The following PDE1C variants were observed in gnomAD, a reference collection of about 807,000 sequenced individuals.
The protein encoded by PDE1C is phosphodiesterase 1C, also known as dual specificity calcium/calmodulin-dependent 3',5'-cyclic nucleotide phosphodiesterase 1C.
PDE1C carries 62 observed loss-of-function variants against 93.1 expected under a neutral mutation model. The observed-to-expected ratio is 0.67, with a 90% CI of 0.54 to 0.82. The LOEUF is 0.82. PDE1C is among the 40% of genes least tolerant of loss of function. The pLI is 0.00. For synonymous variants in PDE1C, 325 were observed against 310.1 expected, an observed-to-expected ratio of 1.05 and a Z score of -0.50; for missense variants, 742 against 884.6, an observed-to-expected ratio of 0.84 and a Z score of 2.04.
chr7:32,033,009 C>T (rs1320626552), intron 2 of PDE1C, among the ~76,000 whole-genome samples: 1 of 152,082 alleles, frequency 6.6e-6, no homozygotes, highest in Non-Finnish European at 1.5e-5. Context: ...GCTCTCTTAC[C>T]AACACAATAA....
At chr7:32,099,513 CCAT>C (rs1427708048) in intron 3 of PDE1C, among the ~76,000 whole-genome samples, 6 of 152,116 alleles carry the variant, frequency 3.9e-5, no homozygotes, top group African/African-American at 1.4e-4. Flanking sequence ...TATATTTTTG[CCAT>C]CTTTTTCATG....
the PDE1C span, among the ~76,000 whole-genome samples, chr7:31,681,978 C>T: frequency 6.6e-6 from 1 of 152,164 alleles, no homozygotes; most frequent in Non-Finnish European, 1.5e-5. Flanking sequence ...TCTCAAGCAG[C>T]TTTAGATTTG....
At chr7:31,664,498 A>G in the PDE1C span, among the ~76,000 whole-genome samples, 1 of 152,202 alleles carries the variant, frequency 6.6e-6, no homozygotes, top group Non-Finnish European at 1.5e-5. Context: ...ATAGAAAATG[A>G]TGTTCCAGTT....
At chr7:32,112,588 C>T (rs1402419770) in intron 3 of PDE1C, among the ~76,000 whole-genome samples, 3 of 150,464 alleles carry the variant, frequency 2.0e-5, no homozygotes, top group Non-Finnish European at 3.0e-5. Flanking sequence ...TTACAAGTAC[C>T]TAGGACTATA....
intron 11 of PDE1C, 69 bp from the exon 12 acceptor site, chr7:31,828,442 CT>C (rs1363594021): frequency 8.7e-7 from 1 of 1,153,056 alleles, no homozygotes; most frequent in East Asian, 2.4e-5. Context: ...CATTTAGCAA[CT>C]TCTGCCGCCA....
At chr7:31,697,822 T>A in the PDE1C span, among the ~76,000 whole-genome samples, 1 of 152,202 alleles carries the variant, frequency 6.6e-6, no homozygotes, top group African/African-American at 2.4e-5. Flanking sequence ...TGGATTTTTA[T>A]AAATTAACTG....
At chr7:32,217,749 A>G (rs183760676) in intron 1 of PDE1C, among the ~76,000 whole-genome samples, 1 of 152,356 alleles carries the variant, frequency 6.6e-6, no homozygotes, top group Non-Finnish European at 1.5e-5. Flanking sequence ...ATAATTCACA[A>G]AGGTAACTGA....
intron 2 of PDE1C, among the ~76,000 whole-genome samples, chr7:32,179,223 C>G (rs1346458622): frequency 1.3e-5 from 2 of 150,468 alleles, no homozygotes; most frequent in Admixed American, 6.6e-5. Flanking sequence ...ACATAGGAAA[C>G]AGGATTTGCC....
the PDE1C span, among the ~76,000 whole-genome samples, chr7:31,641,467 T>A: frequency 6.8e-6 from 1 of 147,792 alleles, no homozygotes; most frequent in South Asian, 2.1e-4. Flanking sequence ...GCATTTCTCA[T>A]TAAAGAAGAG....
Position 31,817,247 on chromosome 7 carries a change from T to G in PDE1C, c.1583-1093A>C, listed in dbSNP as rs117974411. Among the ~76,000 whole-genome samples the G allele has an allele frequency of 2.3e-3, 353 of 152,216 alleles. 10 individuals carry two copies. In the East Asian group the frequency reaches 0.058, roughly 25 times the overall value. ...CTTGACAAGGTGACATTTAACCAAG[T>G]CCTAAATGATGAAGAGCTGGCCATG... On this transcript the variant is annotated intron_variant, in intron 14 of 17. Coordinates refer to ENST00000396191, the MANE Select transcript of PDE1C (RefSeq NM_001191057.4).
At chr7:31,653,969 C>A in the PDE1C span, among the ~76,000 whole-genome samples, 3 of 149,068 alleles carry the variant, frequency 2.0e-5, no homozygotes, top group African/African-American at 7.4e-5. Context: ...CTACTGTGTG[C>A]AGGCTACTAT....
At chr7:31,743,181 G>C in the PDE1C span, among the ~76,000 whole-genome samples, 1 of 151,972 alleles carries the variant, frequency 6.6e-6, no homozygotes, top group Non-Finnish European at 1.5e-5. Context: ...TATCCTGCTG[G>C]GATCCTGCTA....
chr7:32,316,486 G>A (rs1274851460), intron 1 of PDE1C, among the ~76,000 whole-genome samples: 2 of 152,166 alleles, frequency 1.3e-5, no homozygotes, highest in Non-Finnish European at 2.9e-5. Flanking sequence ...TACTTTATTA[G>A]AAAATATTTG....
chr7:32,194,981 A>G (rs1804515749), intron 2 of PDE1C, among the ~76,000 whole-genome samples: 1 of 152,178 alleles, frequency 6.6e-6, no homozygotes, highest in Non-Finnish European at 1.5e-5. Flanking sequence ...TAAATAACTT[A>G]CCAAAGTCTT....
At chr7:32,204,315 C>A (rs576948605) in intron 2 of PDE1C, among the ~76,000 whole-genome samples, 122 of 152,292 alleles carry the variant, frequency 8.0e-4, no homozygotes, top group African/African-American at 2.5e-3. Context: ...CCACAAGTAA[C>A]AAAACTGGGA....
At chr7:32,400,548 T>C (rs751356253) in intron 1 of PDE1C, among the ~76,000 whole-genome samples, 1 of 152,246 alleles carries the variant, frequency 6.6e-6, no homozygotes, top group Non-Finnish European at 1.5e-5. Context: ...GAAACCAGTT[T>C]AATTTCGTTT....
upstream of PDE1C, among the ~76,000 whole-genome samples, chr7:32,072,775 G>A (rs1453181796): frequency 6.6e-6 from 1 of 152,152 alleles, no homozygotes; most frequent in Non-Finnish European, 1.5e-5. Flanking sequence ...AGGCTTCCTA[G>A]ACCAACTAGA....
intron 2 of PDE1C, among the ~76,000 whole-genome samples, chr7:31,970,291 T>G (rs1810756133): frequency 6.6e-6 from 1 of 152,184 alleles, no homozygotes; most frequent in Non-Finnish European, 1.5e-5. Context: ...TGCTTTAATA[T>G]GAAACCAGAA....
exon 1 of PDE1C, chr7:32,299,144 T>G: frequency 1.0e-6 from 1 of 1,004,616 alleles, no homozygotes. Flanking sequence ...TACTTCACCT[T>G]CTCCTTCCGT....
Sources: gnomAD v4.1 joint callset for allele counts (sites outside exome capture counted in the v4.1 genomes callset) on GRCh38, gnomAD v4.1.1 for gene constraint, MANE v1.5 for transcripts, NCBI Gene and HGNC (gene_info 2026-07-23, HGNC 2026-07-21) for gene names.